The following RYK variants were observed in gnomAD, a reference collection of about 807,000 sequenced individuals.
The protein encoded by RYK is receptor like tyrosine kinase.
A neutral mutation model predicts 70.2 loss-of-function variants in RYK; 21 were observed. That is an observed-to-expected ratio of 0.30 (90% CI 0.21 to 0.43). RYK has a LOEUF of 0.43. Ranked by LOEUF, RYK falls within the 20% of genes least tolerant of loss-of-function variation. The probability of loss-of-function intolerance (pLI) is 1.00; values close to 1 mark genes in which losing one functional copy is unlikely to be tolerated. For missense variants in RYK, 604 were observed against 753.3 expected (o/e 0.80, Z 2.32); for synonymous variants, 267 against 278.0 (o/e 0.96, Z 0.39).
At chr3:134,191,406 G>A (rs547007002) in intron 8 of RYK, among the ~76,000 whole-genome samples, 110 of 152,242 alleles carry the variant, frequency 7.2e-4, no homozygotes, top group Middle Eastern at 3.4e-3. Context: ...AAGACATTAC[G>A]TGATTTCTCC....
intron 2 of RYK, among the ~76,000 whole-genome samples, chr3:134,221,002 A>G (rs1307603553): frequency 6.6e-6 from 1 of 152,110 alleles, no homozygotes; most frequent in Non-Finnish European, 1.5e-5. Context: ...TAAAACCACT[A>G]AAGAGAATGA....
At chr3:134,163,537 T>G (rs2012552813) in intron 13 of RYK, among the ~76,000 whole-genome samples, 1 of 152,246 alleles carries the variant, frequency 6.6e-6, no homozygotes, top group South Asian at 2.1e-4. Context: ...ATATATAAGA[T>G]GTAAAACAGT....
Position 134,175,584 on chromosome 3 carries a change from G to T in RYK, c.1575+25C>A. ...CAGAAAGCTGTTTCTCTATTCTTTT[G>T]CTATCTGGGGGTCCCGGCACTTACC... On this transcript the variant is annotated intron_variant, in intron 13 of 14. Transcript: ENST00000623711. 4 of 1,599,912 alleles carry T rather than the reference G, an allele frequency of 2.5e-6. No homozygotes were observed. In the East Asian group the frequency reaches 8.9e-5, roughly 36 times the overall value.
chr3:134,159,513 C>T, intron 13 of RYK, 140 bp from the exon 14 acceptor site: 1 of 705,912 alleles, frequency 1.4e-6, no homozygotes, highest in Non-Finnish European at 2.2e-6. Context: ...AAAAAAATGT[C>T]TATCATACAC....
chr3:134,170,048 G>A (rs2012837910), intron 13 of RYK, among the ~76,000 whole-genome samples: 1 of 152,068 alleles, frequency 6.6e-6, no homozygotes, highest in Non-Finnish European at 1.5e-5. Flanking sequence ...TAAAAGGCAG[G>A]ACTTTTACAC....
intron 1 of RYK, among the ~76,000 whole-genome samples, chr3:134,223,618 A>G (rs1282620308): frequency 6.6e-6 from 1 of 152,144 alleles, no homozygotes; most frequent in Admixed American, 6.5e-5. Context: ...AAAAAAAAAA[A>G]AAAAATCACA....
At chr3:134,166,013 T>C (rs2012652809) in intron 13 of RYK, among the ~76,000 whole-genome samples, 1 of 152,242 alleles carries the variant, frequency 6.6e-6, no homozygotes, top group South Asian at 2.1e-4. Context: ...TTAAGACTTT[T>C]AGGGCTGTTG....
At chr3:134,188,760 C>A in intron 9 of RYK, 77 bp downstream of exon 9, 2 of 846,508 alleles carry the variant, frequency 2.4e-6, no homozygotes, top group South Asian at 3.2e-5. Flanking sequence ...CATTGGGAAA[C>A]TGAGACAGAA....
intron 13 of RYK, among the ~76,000 whole-genome samples, chr3:134,163,931 A>G (rs2012568596): frequency 6.6e-6 from 1 of 152,234 alleles, no homozygotes; most frequent in Admixed American, 6.5e-5. Flanking sequence ...TGCTTGCTAA[A>G]AAGTCCAGTT....
rs371152749 is a variant in RYK, at chr3:134,184,314, T to A, written c.1103-1243A>T. ...TTGAAACAAAAACATGATAATGCAA[T>A]TTACCAATATCTTTAAGTCTACATC... On this transcript the variant is annotated intron_variant, in intron 9 of 14. Coordinates refer to ENST00000623711, the MANE Select transcript of RYK (RefSeq NM_002958.4). 9.9e-5 allele frequency among the ~76,000 whole-genome samples: 15 copies of A among 152,272 alleles called. No homozygotes were observed. In the East Asian group the frequency reaches 2.1e-3, roughly 22 times the overall value.
intron 1 of RYK, among the ~76,000 whole-genome samples, chr3:134,240,330 T>C (rs1175588982): frequency 2.6e-5 from 4 of 152,184 alleles, no homozygotes; most frequent in African/African-American, 9.7e-5. Flanking sequence ...AGTTGAGAAC[T>C]GCTGAAGCTG....
rs575051370 is a variant in RYK, at chr3:134,160,592, G to A, written c.1576-1219C>T. Among the ~76,000 whole-genome samples, 25 of 152,246 alleles carry A rather than the reference G, an allele frequency of 1.6e-4. No homozygotes were observed. The South Asian group carries it at 5.0e-3, about 30-fold the overall frequency. On this transcript the variant is annotated intron_variant, in intron 13 of 14. Transcript: ENST00000623711. Reference sequence around the variant, plus strand: ...ATATTTTAAAATATTTTAGGGCCAGGCACGGTGGCTCACACCTGTAATCCC... The same window carrying A: ...ATATTTTAAAATATTTTAGGGCCAGACACGGTGGCTCACACCTGTAATCCC...
chr3:134,193,973 C>G (rs77467326), intron 7 of RYK, among the ~76,000 whole-genome samples: 17,125 of 152,210 alleles, frequency 0.11, 1,022 homozygotes, highest in Middle Eastern at 0.16. Flanking sequence ...AGGTCCCCTA[C>G]TTTTAGTAAT....
intron 4 of RYK, among the ~76,000 whole-genome samples, chr3:134,209,482 G>T (rs917744548): frequency 3.3e-5 from 5 of 152,156 alleles, no homozygotes; most frequent in Admixed American, 2.0e-4. Flanking sequence ...TCTGACAAAA[G>T]ATTTGAGAAA....
chr3:134,242,614 T>C (rs994971464), intron 1 of RYK, among the ~76,000 whole-genome samples: 15 of 152,358 alleles, frequency 9.8e-5, no homozygotes, highest in African/African-American at 3.4e-4. Context: ...GATGTGTAGC[T>C]GGCAAGATTT....
intron 9 of RYK, among the ~76,000 whole-genome samples, chr3:134,187,721 CT>C (rs77809666): frequency 1.6e-3 from 219 of 136,892 alleles, no homozygotes; most frequent in Middle Eastern, 3.9e-3. Context: ...CACCCAGCTA[CT>C]TTTTTTTTTT....
At chr3:134,199,470 T>TGCCCTGCTCC (rs1455044090) in intron 6 of RYK, among the ~76,000 whole-genome samples, 2 of 152,240 alleles carry the variant, frequency 1.3e-5, no homozygotes, top group Admixed American at 6.5e-5. Context: ...CCGCCTGCTC[T>TGCCCTGCTCC]GCCCTGCTCC....
intron 13 of RYK, among the ~76,000 whole-genome samples, chr3:134,164,681 T>C (rs2012597643): frequency 6.6e-6 from 1 of 152,266 alleles, no homozygotes; most frequent in South Asian, 2.1e-4. Flanking sequence ...ATGTTCAGCC[T>C]TAGCTATTAA....
chr3:134,210,119 C>T (rs373303754), intron 3 of RYK, among the ~76,000 whole-genome samples: 16 of 152,244 alleles, frequency 1.1e-4, no homozygotes, highest in African/African-American at 3.4e-4. Flanking sequence ...GTTTTTAATA[C>T]ACCACTTTGT....
Sources: allele counts gnomAD v4.1 joint callset (sites outside exome capture counted in the v4.1 genomes callset), GRCh38; gene constraint gnomAD v4.1.1; transcripts MANE v1.5; gene names NCBI Gene and HGNC (gene_info 2026-07-23, HGNC 2026-07-21).